Variants in KCNN4 observed in about 807,000 individuals in gnomAD.
The protein encoded by KCNN4 is intermediate conductance calcium-activated potassium channel protein 4.
A neutral mutation model predicts 45.2 loss-of-function variants in KCNN4; 31 were observed. The ratio of observed to expected loss-of-function variants is 0.69; its 90% CI spans 0.52 to 0.92. The LOEUF is 0.92. KCNN4 is among the 40% of genes least tolerant of loss of function. The pLI is 0.00. For missense variants in KCNN4, 463 were observed against 574.0 expected, an observed-to-expected ratio of 0.81 and a Z score of 1.98; for synonymous variants, 231 against 254.6, an observed-to-expected ratio of 0.91 and a Z score of 0.88.
At chr19:43,773,398 T>G (rs1969698217) in intron 3 of KCNN4, among the ~76,000 whole-genome samples, 1 of 152,226 alleles carries the variant, frequency 6.6e-6, no homozygotes, top group African/African-American at 2.4e-5. Context: ...CCAGATCTTC[T>G]CATTCTCCTC....
At chr19:43,775,494 A>G (rs1001451659) in intron 2 of KCNN4, among the ~76,000 whole-genome samples, 4 of 152,246 alleles carry the variant, frequency 2.6e-5, no homozygotes, top group African/African-American at 9.6e-5. Flanking sequence ...GCTGAGGCCC[A>G]GGTCCCTTCC....
In KCNN4 at chr19:43,776,583, T is replaced by A. The variant is rs750863124; in HGVS notation, c.213A>T (p.Leu71Phe). ...GAAAGGCCACGATGAGGCAGAGGAG[T>A]AAGAAGGTGGAAATGCTGATCGTGC... is the stretch of plus-strand genomic sequence containing the variant. ...VKCTISISTF[L>F]LLCLIVAFHA... is the part of the protein sequence containing the mutation. Residue 71 changes from leucine (L) to phenylalanine (F), a missense_variant, in exon 2 of 9, where the codon TTA (leucine) becomes TTT (phenylalanine). By Grantham distance (22) the Leu-to-Phe change is conservative. Coordinates refer to ENST00000648319, the MANE Select transcript of KCNN4 (RefSeq NM_002250.3). 1.2e-5 allele frequency: 19 copies of A among 1,613,344 alleles called. No homozygotes were observed. In the African/African-American group the frequency reaches 2.0e-4, roughly 17 times the overall value.
rs200169896 is a variant in KCNN4 at position 43,780,712 on chromosome 19, C to A, written c.150G>T (p.Gly50=). 8.1e-6 allele frequency: 13 copies of A among 1,613,220 alleles called. No individual in the cohort carries two copies. The East Asian group carries it at 2.0e-4, about 25-fold the overall frequency. The change falls in exon 1 of 9, where the codon GGG becomes GGT. Residue 50 remains glycine (G), a synonymous_variant. Coordinates refer to ENST00000648319, the MANE Select transcript of KCNN4 (RefSeq NM_002250.3). Reference sequence around the variant, plus strand: ...ACCATGCCCCACTCACCGAGCACCCCCCGAACCACAGCATCTCTGCATGCA... The same window carrying A: ...ACCATGCCCCACTCACCGAGCACCCACCGAACCACAGCATCTCTGCATGCA... ...MVLHAEMLWF[G]GCSWALYLFL... is the part of the protein sequence containing the mutation.
In KCNN4 at chr19:43,772,965, T is replaced by C. The variant is rs1050433781; in HGVS notation, c.684-830A>G. ...GGGGATCATTCATTAATCCTGATTC[T>C]GACCAATTTCCCAATTGTGAAAACT... is the stretch of plus-strand genomic sequence containing the variant. On this transcript the variant is annotated intron_variant, in intron 3 of 8. Transcript: ENST00000648319. The surrounding 1 kb of genome is among the most constrained non-coding windows in gnomAD (Gnocchi z 4.4). Among the ~76,000 whole-genome samples the C allele has an allele frequency of 2.6e-5, 4 of 152,254 alleles. No homozygotes were observed. The highest frequency in any genetic ancestry group is 9.6e-5 in the African/African-American group (4 of 41,466).
intron 1 of KCNN4, among the ~76,000 whole-genome samples, chr19:43,777,658 C>T (rs1288251148): frequency 1.3e-5 from 2 of 148,928 alleles, no homozygotes; most frequent in Non-Finnish European, 3.0e-5. Context: ...CCAGAAACCA[C>T]GGAGAAATTG....
At position 43,774,461 on chromosome 19, in the gene KCNN4, CG is replaced by C. The variant is rs1417119071; in HGVS notation, c.413del (p.Pro138ArgfsTer63). ...GGCCCAGGAATCCCGGCCAGGGCTG[CG>C]GGGAGGTCAGCGGCGCCCCTAAATC... ...VQDLGAPLTS[P>X]QPWPGFLGQG... On this transcript the variant is annotated frameshift_variant, in exon 3 of 9. Coordinates refer to ENST00000648319, the MANE Select transcript of KCNN4 (RefSeq NM_002250.3). LOFTEE classifies it high-confidence loss of function. The surrounding 1 kb of genome is among the most constrained non-coding windows in gnomAD (Gnocchi z 5.6). The C allele has an allele frequency of 2.5e-6, 4 of 1,594,802 alleles. No homozygotes were observed. The East Asian group carries it at 9.1e-5, about 36-fold the overall frequency.
intron 1 of KCNN4, among the ~76,000 whole-genome samples, chr19:43,777,144 G>A (rs1969833145): frequency 6.6e-6 from 1 of 152,040 alleles, no homozygotes; most frequent in Non-Finnish European, 1.5e-5. Context: ...CCCCAGGAAT[G>A]CTCTCTTTCT....
Position 43,767,668 on chromosome 19 carries a change from T to G in KCNN4, c.1159A>C (p.Ser387Arg), listed in dbSNP as rs1466617448. The part of the protein sequence containing the change: ...ILYDLQQNLS[S>R]SHRALEKQID... ...TGTTTCTCCAGGGCCCGGTGTGAGC[T>G]GCTCAGATTCTGCTGCAGGTCATAC... Residue 387 changes from serine (S) to arginine (R), a missense_variant, in exon 8 of 9, where the codon AGC (serine) becomes CGC (arginine). By Grantham distance (110) the Ser-to-Arg change is moderately radical. Transcript: ENST00000648319. 1 of 1,614,146 alleles carries G rather than the reference T, an allele frequency of 6.2e-7. No homozygotes were observed.
In KCNN4 at chr19:43,772,004, A is replaced by G; in HGVS notation, c.815T>C (p.Val272Ala). Reference protein sequence around the residue: ...WGKIVCLCTGVMGVCCTALLV... With the variant: ...WGKIVCLCTGAMGVCCTALLV... ...CCCCAAGGCAGCTGTACTCACCATG[A>G]CTCCAGTGCACAGGCAGACGATCTT... The change falls in exon 4 of 9, where the codon GTC becomes GCC. Residue 272 changes from valine to alanine, a missense_variant. Physicochemically the swap from Val to Ala is moderately conservative, Grantham distance 64 (BLOSUM62 0). Transcript: ENST00000648319. The surrounding 1 kb of genome is among the most constrained non-coding windows in gnomAD (Gnocchi z 4.4). 1 of 1,607,460 alleles carries G rather than the reference A, an allele frequency of 6.2e-7. No individual in the cohort carries two copies. Among genetic ancestry groups the G allele is most frequent in the African/African-American group, 1.3e-5 (1 of 74,562 alleles).
At position 43,775,868 on chromosome 19, in the gene KCNN4, C is replaced by T. The variant is rs144647241; in HGVS notation, c.255+673G>A. On this transcript the variant is annotated intron_variant, in intron 2 of 8. Coordinates refer to ENST00000648319, the MANE Select transcript of KCNN4 (RefSeq NM_002250.3). ...CGGACCAGGTGCAGTGGCTCAAGCCCGTAATCCTAGCACTTTGGGAGGACA... is the reference window on the plus strand; with the variant it reads ...CGGACCAGGTGCAGTGGCTCAAGCCTGTAATCCTAGCACTTTGGGAGGACA... Among the ~76,000 whole-genome samples, 1,446 of 151,702 alleles carry T rather than the reference C, an allele frequency of 9.5e-3. 15 individuals are homozygous for T. Among genetic ancestry groups the T allele is most frequent in the Non-Finnish European group, 0.014 (960 of 67,898 alleles).
At position 43,772,247 on chromosome 19, in the gene KCNN4, C is replaced by G. The variant is rs1383971620; in HGVS notation, c.684-112G>C. ...CCTTCCCTCTGGTTCCCTCCCTTCC[C>G]CTCCCAGTATACACCCATAGTCCTA... is the stretch of plus-strand genomic sequence containing the variant. On this transcript the variant is annotated intron_variant, in intron 3 of 8. Coordinates refer to ENST00000648319, the MANE Select transcript of KCNN4 (RefSeq NM_002250.3). The surrounding 1 kb of genome is among the most constrained non-coding windows in gnomAD (Gnocchi z 4.4). The G allele has an allele frequency of 1.7e-6, 2 of 1,188,566 alleles. No homozygotes were observed. Among genetic ancestry groups the G allele is most frequent in the Non-Finnish European group, 2.4e-6 (2 of 849,810 alleles). 73.6% of individuals were successfully genotyped at this position (1,188,566 alleles called of 1,614,324 possible).
rs1212543452 is a variant in KCNN4 at position 43,772,046 on chromosome 19, G to A, written c.773C>T (p.Pro258Leu). Residue 258 changes from proline (P) to leucine (L), a missense_variant, in exon 4 of 9, where the codon CCG becomes CTG. Pro to Leu is a moderately conservative substitution (Grantham distance 98). Coordinates refer to ENST00000648319, the MANE Select transcript of KCNN4 (RefSeq NM_002250.3). The surrounding 1 kb of genome is among the most constrained non-coding windows in gnomAD (Gnocchi z 4.4). ...GACGATCTTGCCCCACATGGTGCCC[G>A]GCACCACGTCACCATAGCCGATGGT... ...FLTIGYGDVV[P>L]GTMWGKIVCL... The A allele has an allele frequency of 4.3e-6, 7 of 1,613,480 alleles. No homozygotes were observed. Among genetic ancestry groups the A allele is most frequent in the Non-Finnish European group, 5.1e-6 (6 of 1,179,758 alleles).
In KCNN4 at chr19:43,769,156, G is replaced by A; in HGVS notation, c.1050-124C>T. 3 of 1,100,358 alleles carry A rather than the reference G, an allele frequency of 2.7e-6. No homozygotes were observed. The South Asian group carries it at 4.0e-5, about 15-fold the overall frequency. 68.2% of individuals were successfully genotyped at this position (1,100,358 alleles called of 1,614,324 possible). ...AAAACAAAGAAACAAAGTTGTCGAAGAGCTGAAAGAGTGGGAGGGGATGCA... is the reference window on the plus strand; with the variant it reads ...AAAACAAAGAAACAAAGTTGTCGAAAAGCTGAAAGAGTGGGAGGGGATGCA... On this transcript the variant is annotated intron_variant, in intron 6 of 8. Coordinates refer to ENST00000648319, the MANE Select transcript of KCNN4 (RefSeq NM_002250.3). This position sits in a 1 kb window ranked among gnomAD's most constrained non-coding sequence, Gnocchi z 4.4.
intron 1 of KCNN4, among the ~76,000 whole-genome samples, chr19:43,778,429 T>C (rs1461274858): frequency 3.3e-5 from 5 of 152,166 alleles, no homozygotes; most frequent in South Asian, 4.1e-4. Flanking sequence ...TTAGTAGAGA[T>C]GGGGTTTCAC....
Position 43,774,660 on chromosome 19 carries a change from T to C in KCNN4, c.256-41A>G. 2.1e-6 allele frequency: 3 copies of C among 1,457,586 alleles called. No homozygotes were observed. The highest frequency in any genetic ancestry group is 2.5e-5 in the East Asian group (1 of 40,626). The allele number at this position is 1,457,586 out of a possible 1,614,324, so 90.3% of individuals were successfully genotyped here. A position where few individuals can be genotyped will look rare whatever the true frequency, so the allele number is the denominator to read the frequency against. ...CAAGAAGGGAGGGGTCAGGAGCAGG[T>C]CAGGCGCAGGTCAGGCGGCGGCCCG... On this transcript the variant is annotated intron_variant, in intron 2 of 8. Transcript: ENST00000648319. The surrounding 1 kb of genome is among the most constrained non-coding windows in gnomAD (Gnocchi z 5.6).
At position 43,767,694 on chromosome 19, in the gene KCNN4, A is replaced by G. The variant is rs762429929; in HGVS notation, c.1133T>C (p.Leu378Pro). The G allele has an allele frequency of 3.7e-6, 6 of 1,614,006 alleles. No homozygotes were observed. The African/African-American group carries it at 8.0e-5, about 22-fold the overall frequency. ...MVDISKMHMILYDLQQNLSSS... is the reference protein window; with the variant it reads ...MVDISKMHMIPYDLQQNLSSS... The stretch of plus-strand genomic sequence containing the variant: ...GCTCAGATTCTGCTGCAGGTCATAC[A>G]GGATCATGTGCATCTGGGTGGGAGG... The change falls in exon 8 of 9, where the codon CTG (leucine) becomes CCG (proline). Residue 378 changes from leucine (L) to proline (P), a missense_variant. By Grantham distance (98) the Leu-to-Pro change is moderately conservative. Transcript: ENST00000648319.
rs550265092 is a variant in KCNN4, at chr19:43,776,282, G to C, written c.255+259C>G. Among the ~76,000 whole-genome samples, 13 of 152,100 alleles carry C rather than the reference G, an allele frequency of 8.5e-5. No homozygotes were observed. The South Asian group carries it at 2.7e-3, about 32-fold the overall frequency. On this transcript the variant is annotated intron_variant, in intron 2 of 8. Transcript: ENST00000648319. The stretch of plus-strand genomic sequence containing the variant: ...GGACAGAGGCCTGGGGGCGGAAGCA[G>C]GGCTGCAAGGGCACTCTCAGCATCC...
Position 43,769,663 on chromosome 19 carries a change from T to A in KCNN4, c.930+56A>T, listed in dbSNP as rs1969588312. The A allele has an allele frequency of 1.9e-6, 3 of 1,548,200 alleles. No individual in the cohort carries two copies. In the Admixed American group the frequency reaches 5.0e-5, roughly 26 times the overall value. ...GGGTCCTAGGGGAAGCAGGGGCGCC[T>A]GGACTCCTGCTTCTTGGAAGAGGGG... On this transcript the variant is annotated intron_variant, in intron 5 of 8. Coordinates refer to ENST00000648319, the MANE Select transcript of KCNN4 (RefSeq NM_002250.3). The surrounding 1 kb of genome is among the most constrained non-coding windows in gnomAD (Gnocchi z 4.4).
At chr19:43,778,890 G>T (rs1969889978) in intron 1 of KCNN4, among the ~76,000 whole-genome samples, 1 of 152,232 alleles carries the variant, frequency 6.6e-6, no homozygotes, top group East Asian at 1.9e-4. Flanking sequence ...GAGGGGCGGT[G>T]GATGTTATTA....
Sources: gnomAD v4.1 joint callset for allele counts (sites outside exome capture counted in the v4.1 genomes callset) on GRCh38, gnomAD v4.1.1 for gene constraint, Gnocchi (gnomAD v3.1) non-coding constraint, MANE v1.5 for transcripts, NCBI Gene and HGNC (gene_info 2026-07-23, HGNC 2026-07-21) for gene names.